Variants in HUWE1 observed in about 807,000 individuals in gnomAD.
The protein encoded by HUWE1 is E3 ubiquitin-protein ligase HUWE1.
In HUWE1, 18 loss-of-function variants were observed where a neutral mutation model predicts 299.4. The ratio of observed to expected loss-of-function variants is 0.06; its 90% confidence interval spans 0.04 to 0.09. The LOEUF is 0.09. HUWE1 is among the 10% of genes least tolerant of loss of function. The pLI, the probability that HUWE1 is intolerant of heterozygous loss-of-function variation, is 1.00. For synonymous variants in HUWE1, 1,317 were observed against 1,286.1 expected (o/e 1.02, Z -0.51); for missense variants, 1,832 against 3,462.3 (o/e 0.53, Z 11.82).
At chrX:53,666,670 CATA>C (rs1266594464) in intron 3 of HUWE1, among the ~76,000 whole-genome samples, 2 of 110,973 alleles carry the variant, frequency 1.8e-5, no homozygotes, top group Non-Finnish European at 1.9e-5. Context: ...TATGATATTA[CATA>C]ATATTTCCCT....
chrX:53,599,127 C>G (rs1157280505), intron 29 of HUWE1, among the ~76,000 whole-genome samples: 4 of 111,778 alleles, frequency 3.6e-5, no homozygotes, highest in African/African-American at 1.3e-4. Context: ...GGCCAGTAAC[C>G]AAAGAGAAAC....
At chrX:53,627,626 G>T in intron 16 of HUWE1, 111 bp from the exon 17 acceptor site, 1 of 849,364 alleles carries the variant, frequency 1.2e-6, no homozygotes, top group Non-Finnish European at 1.7e-6. Context: ...ATACACAGTT[G>T]ATTTCTAGAA....
Position 53,589,827 on chromosome X carries a change from G to A in HUWE1, c.4192-11C>T. On this transcript the variant is annotated splice_polypyrimidine_tract_variant and intron_variant, in intron 35 of 83. Coordinates refer to ENST00000262854, the MANE Select transcript of HUWE1 (RefSeq NM_031407.7). ...CCGGCAAGCAACTTCCTGGAAGCAGGGAAGGAAGTGTGAATAATACACAGG... is the reference window on the plus strand; with the variant it reads ...CCGGCAAGCAACTTCCTGGAAGCAGAGAAGGAAGTGTGAATAATACACAGG... 2 of 1,198,846 alleles carry A rather than the reference G, an allele frequency of 1.7e-6. No homozygotes were observed. Among genetic ancestry groups the A allele is most frequent in the East Asian group, 3.0e-5 (1 of 33,600 alleles).
At position 53,572,279 on chromosome X, in the gene HUWE1, A is replaced by T. The variant is rs782807283; in HGVS notation, c.6312+1471T>A. 1.5e-4 allele frequency among the ~76,000 whole-genome samples: 17 copies of T among 111,895 alleles called. No individual in the cohort carries two copies. In the South Asian group the frequency reaches 6.0e-3, roughly 39 times the overall value. On this transcript the variant is annotated intron_variant, in intron 47 of 83. Coordinates refer to ENST00000262854, the MANE Select transcript of HUWE1 (RefSeq NM_031407.7). ...CTCAAGATAATGGTTATCTTGAGTG[A>T]AGGTGAAATGGGTGGGAGGAGATGC...
intron 43 of HUWE1, among the ~76,000 whole-genome samples, chrX:53,578,174 G>A (rs1196925631): frequency 4.4e-5 from 4 of 90,817 alleles, no homozygotes; most frequent in East Asian, 3.6e-4. Flanking sequence ...CTGCCCCGCC[G>A]CCCTGTCTGG....
intron 44 of HUWE1, 144 bp downstream of exon 44, chrX:53,576,756 C>T: frequency 1.8e-6 from 1 of 570,333 alleles, no homozygotes; most frequent in Non-Finnish European, 2.9e-6. Flanking sequence ...TCTTCACAGA[C>T]ATGCAATGGG....
intron 19 of HUWE1, among the ~76,000 whole-genome samples, chrX:53,618,024 T>A (rs1039758178): frequency 8.0e-5 from 9 of 112,190 alleles, no homozygotes; most frequent in African/African-American, 2.9e-4. Flanking sequence ...TGATCAGTTT[T>A]TGACATTATA....
intron 23 of HUWE1, among the ~76,000 whole-genome samples, chrX:53,611,280 T>C (rs782214969): frequency 9.3e-6 from 1 of 107,522 alleles, no homozygotes; most frequent in South Asian, 4.1e-4. Flanking sequence ...GGATAATCAC[T>C]ATACAATTAT....
chrX:53,596,417 TA>T (rs1280634244), intron 29 of HUWE1, among the ~76,000 whole-genome samples: 2 of 112,630 alleles, frequency 1.8e-5, no homozygotes, highest in Non-Finnish European at 3.7e-5. Context: ...TTTACTACCA[TA>T]AAATATACAC....
In HUWE1 at chrX:53,543,924, G is replaced by A. The variant is rs1556920655; in HGVS notation, c.11296C>T (p.Arg3766Trp). 3.3e-6 allele frequency: 4 copies of A among 1,207,188 alleles called. No individual in the cohort carries two copies. Among genetic ancestry groups the A allele is most frequent in the Non-Finnish European group, 4.5e-6 (4 of 893,500 alleles). The change falls in exon 73 of 84, where the codon CGG (arginine) becomes TGG (tryptophan). Residue 3766 changes from arginine to tryptophan, a missense_variant. By Grantham distance (101) the Arg-to-Trp change is moderately radical (BLOSUM62 -3). Around this residue, in one of 15 missense-constraint regions of HUWE1, gnomAD observed 41 missense variants for 124.0 expected, o/e 0.33. Coordinates refer to ENST00000262854, the MANE Select transcript of HUWE1 (RefSeq NM_031407.7). ...GSASSIQAAV[R>W]QLEAEADAII... ...GCATCAGCCTCAGCCTCCAGCTGCC[G>A]AACAGCTGCCTGGATGCTGCTAGCT...
chrX:53,673,124 A>T (rs1557050003), intron 3 of HUWE1, among the ~76,000 whole-genome samples: 1 of 111,887 alleles, frequency 8.9e-6, no homozygotes, highest in East Asian at 2.8e-4. Context: ...TACAAATTTA[A>T]TATTATTTAA....
chrX:53,618,554 G>A (rs112182000), intron 19 of HUWE1, among the ~76,000 whole-genome samples: 1,605 of 107,584 alleles, frequency 0.015, 35 homozygotes, highest in African/African-American at 0.052. Context: ...GACTAGACCA[G>A]TAAGAATTTT....
chrX:53,559,383 T>C lies in HUWE1; in HGVS notation c.7886A>G (p.His2629Arg). ...SDDELLDDFF[H>R]DQSTATSQAG... is the part of the protein sequence containing the mutation. ...TTGGCTGGTAGCTGTGCTCTGATCA[T>C]GGAAAAAGTCATCCAGCAGCTCATC... is the stretch of plus-strand genomic sequence containing the variant. Residue 2629 changes from histidine (H) to arginine (R), a missense_variant, in exon 57 of 84, where the codon CAT (histidine) becomes CGT (arginine). By Grantham distance (29) the His-to-Arg change is conservative. Coordinates refer to ENST00000262854, the MANE Select transcript of HUWE1 (RefSeq NM_031407.7). 8.3e-7 allele frequency: 1 copy of C among 1,211,504 alleles called. No individual in the cohort carries two copies. Among genetic ancestry groups the C allele is most frequent in the Non-Finnish European group, 1.1e-6 (1 of 895,334 alleles).
rs1556930683 is a variant in HUWE1, at chrX:53,552,909, A to G, written c.8495-16T>C. On this transcript the variant is annotated splice_polypyrimidine_tract_variant and intron_variant, in intron 61 of 83. Transcript: ENST00000262854. ...GAAAGTGAGGCTAGGAAGAAGTTGC[A>G]GGGAGAGGTTAGGTTTCTATCTGGA... 6 of 1,209,509 alleles carry G rather than the reference A, an allele frequency of 5.0e-6. No individual in the cohort carries two copies. The Admixed American group carries it at 1.1e-4, about 22-fold the overall frequency.
intron 80 of HUWE1, 169 bp downstream of exon 80, chrX:53,535,978 C>G: frequency 5.9e-6 from 1 of 169,862 alleles, no homozygotes; most frequent in Non-Finnish European, 1.1e-5. Context: ...CCTGCAAATT[C>G]TGGTTTTCCT....
intron 3 of HUWE1, among the ~76,000 whole-genome samples, chrX:53,676,591 G>C (rs1249851405): frequency 1.8e-5 from 2 of 111,746 alleles, no homozygotes; most frequent in African/African-American, 6.5e-5. Flanking sequence ...GTCTGGGGCA[G>C]AAATGCACAA....
intron 3 of HUWE1, among the ~76,000 whole-genome samples, chrX:53,678,216 T>G (rs2069931191): frequency 8.9e-6 from 1 of 112,129 alleles, no homozygotes; most frequent in Non-Finnish European, 1.9e-5. Context: ...AATGCTCAGG[T>G]TAACAGCCCA....
In HUWE1 at chrX:53,538,825, T is replaced by C. The variant is rs1556915775; in HGVS notation, c.11878+10A>G. 8.3e-7 allele frequency: 1 copy of C among 1,198,777 alleles called. No homozygotes were observed. Among genetic ancestry groups the C allele is most frequent in the Admixed American group, 2.2e-5 (1 of 45,037 alleles). ...CCTTCTACACCTGGCAGCCTAAAAG[T>C]TCCCTGTACCTGCAAAGCGAAGGAA... On this transcript the variant is annotated intron_variant, in intron 76 of 83. Transcript: ENST00000262854.
intron 7 of HUWE1, among the ~76,000 whole-genome samples, chrX:53,642,578 A>C (rs782032448): frequency 1.6e-4 from 18 of 112,224 alleles, no homozygotes; most frequent in Non-Finnish European, 3.2e-4. Flanking sequence ...CACCTTTGAA[A>C]TATATACCCA....
Sources: gnomAD v4.1 joint callset for allele counts (sites outside exome capture counted in the v4.1 genomes callset) on GRCh38, gnomAD v4.1.1 for gene constraint, gnomAD v4.1.1 regional missense constraint, MANE v1.5 for transcripts, NCBI Gene and HGNC (gene_info 2026-07-23, HGNC 2026-07-21) for gene names.